Variants in ZNF362 observed in about 807,000 individuals in gnomAD.
ZNF362 encodes the protein rotund homolog.
In ZNF362, 11 loss-of-function variants were observed where a neutral mutation model predicts 42.9. The observed-to-expected ratio is 0.26, with a 90% CI of 0.16 to 0.42. The LOEUF is 0.42. Ranked by LOEUF, ZNF362 falls within the 20% of genes least tolerant of loss-of-function variation. ZNF362 has a pLI of 1.00. For synonymous variants in ZNF362, 255 were observed against 257.3 expected, an observed-to-expected ratio of 0.99 and a Z score of 0.09; for missense variants, 362 against 576.2, an observed-to-expected ratio of 0.63 and a Z score of 3.81.
the ZNF362 span, chr1:33,165,259 G>A: frequency 1.7e-5 from 8 of 480,298 alleles, no homozygotes; most frequent in African/African-American, 8.0e-5. This position sits in a 1 kb window ranked among gnomAD's most constrained non-coding sequence, Gnocchi z 4.0. Context: ...CATCCTTGCC[G>A]CCAGTCATGA....
intron 8 of ZNF362, among the ~76,000 whole-genome samples, chr1:33,296,364 G>T (rs1203781211): frequency 6.6e-6 from 1 of 152,090 alleles, no homozygotes; most frequent in Non-Finnish European, 1.5e-5. Context: ...GCATTCTGGA[G>T]TCCTGCATCC....
the ZNF362 span, among the ~76,000 whole-genome samples, chr1:33,225,139 C>A: frequency 3.3e-5 from 5 of 152,140 alleles, no homozygotes; most frequent in African/African-American, 1.2e-4. Flanking sequence ...TTCACACTGG[C>A]TGTTTCCTCT....
chr1:33,146,991 T>C, the ZNF362 span: 88 of 630,942 alleles, frequency 1.4e-4, no homozygotes, highest in East Asian at 5.5e-5. Context: ...AGAACATCGA[T>C]GCTGGAAGAG....
the ZNF362 span, among the ~76,000 whole-genome samples, chr1:33,227,598 A>G: frequency 6.6e-6 from 1 of 152,196 alleles, no homozygotes; most frequent in Non-Finnish European, 1.5e-5. Context: ...TTAGACATCA[A>G]GAGGTAGAGA....
chr1:33,165,557 T>A, the ZNF362 span: 1 of 1,608,016 alleles, frequency 6.2e-7, no homozygotes, highest in Non-Finnish European at 8.5e-7. The surrounding 1 kb of genome is among the most constrained non-coding windows in gnomAD (Gnocchi z 4.0). Flanking sequence ...AGTTGGTCCT[T>A]CAGCTCCCTC....
At chr1:33,211,637 C>T in the ZNF362 span, among the ~76,000 whole-genome samples, 1 of 152,040 alleles carries the variant, frequency 6.6e-6, no homozygotes, top group Non-Finnish European at 1.5e-5. Context: ...TTGTGGGTAA[C>T]CCGCCCTTTC....
intron 6 of ZNF362, among the ~76,000 whole-genome samples, chr1:33,285,390 G>C (rs1175099131): frequency 6.6e-6 from 1 of 152,086 alleles, no homozygotes; most frequent in African/African-American, 2.4e-5. Context: ...CTGCAGCCTG[G>C]GTGACAGAGC....
the ZNF362 span, among the ~76,000 whole-genome samples, chr1:33,239,393 A>T: frequency 6.6e-6 from 1 of 152,220 alleles, no homozygotes; most frequent in Non-Finnish European, 1.5e-5. Flanking sequence ...TTTTAATAAT[A>T]CATAGTGGTA....
chr1:33,179,118 T>C, the ZNF362 span, among the ~76,000 whole-genome samples: 2 of 152,230 alleles, frequency 1.3e-5, no homozygotes, highest in African/African-American at 2.4e-5. Flanking sequence ...GTTGGACAGA[T>C]GGTTTCAGAC....
chr1:33,263,690 T>C lies in ZNF362; in HGVS notation c.-88-6797T>C, dbSNP rs192929027. On this transcript the variant is annotated intron_variant, in intron 1 of 8. Transcript: ENST00000539719. ...CCTCCCAAAGTGCTGGGATTACAGG[T>C]GTGAGCCACCGTGCCCAGCCACATG... Among the ~76,000 whole-genome samples, 139 of 152,208 alleles carry C rather than the reference T, an allele frequency of 9.1e-4. 1 individual carries two copies. The East Asian group carries it at 0.019, about 20-fold the overall frequency.
chr1:33,222,093 A>G, the ZNF362 span, among the ~76,000 whole-genome samples: 2 of 152,162 alleles, frequency 1.3e-5, no homozygotes, highest in Non-Finnish European at 2.9e-5. Context: ...GTATTTCCCA[A>G]GAGTACTAGC....
chr1:33,266,998 C>T lies in ZNF362; in HGVS notation c.-88-3489C>T, dbSNP rs1469244190. ...GGCTCTCCTTCGGCTTGGTCCTCCCCGCTGGGGCCCCTGGATGGGACCAGG... is the reference window on the plus strand; with the variant it reads ...GGCTCTCCTTCGGCTTGGTCCTCCCTGCTGGGGCCCCTGGATGGGACCAGG... On this transcript the variant is annotated intron_variant, in intron 1 of 8. Transcript: ENST00000539719. This position sits in a 1 kb window ranked among gnomAD's most constrained non-coding sequence, Gnocchi z 4.3. 1.3e-5 allele frequency among the ~76,000 whole-genome samples: 2 copies of T among 152,158 alleles called. No homozygotes were observed. Among genetic ancestry groups the T allele is most frequent in the South Asian group, 2.1e-4 (1 of 4,832 alleles).
the ZNF362 span, chr1:33,158,139 G>A: frequency 2.2e-6 from 2 of 909,682 alleles, no homozygotes; most frequent in African/African-American, 3.3e-5. Flanking sequence ...TAGGTGCTCA[G>A]CAAGGCACTC....
chr1:33,296,550 G>A (rs1646125706), intron 8 of ZNF362, among the ~76,000 whole-genome samples: 1 of 152,194 alleles, frequency 6.6e-6, no homozygotes. Context: ...AGGACACAAT[G>A]GAGCTGGGAA....
the ZNF362 span, among the ~76,000 whole-genome samples, chr1:33,226,526 C>T: frequency 1.6e-4 from 25 of 152,240 alleles, no homozygotes; most frequent in African/African-American, 5.3e-4. Flanking sequence ...TAAAAAGTAA[C>T]GAGGTGCTGA....
chr1:33,181,519 G>A, the ZNF362 span: 1 of 1,459,704 alleles, frequency 6.9e-7, no homozygotes. The surrounding 1 kb of genome is among the most constrained non-coding windows in gnomAD (Gnocchi z 6.5). Context: ...ACCGAGGGCT[G>A]GGCGCGGGGA....
chr1:33,163,394 CTG>C, the ZNF362 span: 1 of 152,134 alleles, frequency 6.6e-6, no homozygotes, highest in Non-Finnish European at 1.5e-5. Context: ...GTGCCAGACA[CTG>C]TGCTAGGTTT....
At chr1:33,207,189 G>C in the ZNF362 span, among the ~76,000 whole-genome samples, 1 of 151,600 alleles carries the variant, frequency 6.6e-6, no homozygotes, top group African/African-American at 2.4e-5. Context: ...TTATGAGTGA[G>C]AACATGCGGT....
Position 33,266,712 on chromosome 1 carries a change from TGAGG to T in ZNF362, c.-88-3773_-88-3770del, listed in dbSNP as rs1645867464. On this transcript the variant is annotated intron_variant, in intron 1 of 8. Transcript: ENST00000539719. This position sits in a 1 kb window ranked among gnomAD's most constrained non-coding sequence, Gnocchi z 4.3. ...AGGTGGTGCCAGCTGAGCAGAGTTT[TGAGG>T]GCAGGGTTCCAGCTGGGTGGTATGG... Among the ~76,000 whole-genome samples, 1 of 152,128 alleles carries T rather than the reference TGAGG, an allele frequency of 6.6e-6. No homozygotes were observed.
Sources: allele counts gnomAD v4.1 joint callset (sites outside exome capture counted in the v4.1 genomes callset), GRCh38; gene constraint gnomAD v4.1.1; non-coding constraint Gnocchi (gnomAD v3.1); transcripts MANE v1.5; gene names NCBI Gene and HGNC (gene_info 2026-07-23, HGNC 2026-07-21).